Variants in CSMD2 observed in about 807,000 individuals in gnomAD.
CSMD2 encodes the protein CUB and sushi domain-containing protein 2.
A neutral mutation model predicts 398.5 loss-of-function variants in CSMD2; 130 were observed. The observed-to-expected ratio is 0.33, with a 90% CI of 0.28 to 0.38. CSMD2 has a LOEUF of 0.38. Ranked by LOEUF, CSMD2 falls within the 10% of genes least tolerant of loss-of-function variation. The pLI, the probability that CSMD2 is intolerant of heterozygous loss-of-function variation, is 1.00. For synonymous variants in CSMD2, 1,828 were observed against 1,908.5 expected, an observed-to-expected ratio of 0.96 and a Z score of 1.10; for missense variants, 3,829 against 4,764.9, an observed-to-expected ratio of 0.80 and a Z score of 5.78.
chr1:33,987,134 A>C (rs1646387040), intron 3 of CSMD2, among the ~76,000 whole-genome samples: 1 of 152,108 alleles, frequency 6.6e-6, no homozygotes, highest in Admixed American at 6.5e-5. Context: ...GACAGCCTTG[A>C]ATGGTAGACT....
intron 5 of CSMD2, among the ~76,000 whole-genome samples, chr1:33,875,245 A>G (rs1436442124): frequency 6.6e-6 from 1 of 152,224 alleles, no homozygotes; most frequent in Non-Finnish European, 1.5e-5. Context: ...AGAATGCTTC[A>G]GTGCCCAGGG....
chr1:33,646,839 G>A lies in CSMD2; in HGVS notation c.4587-4C>T, dbSNP rs370847958. 24 of 1,606,266 alleles carry A rather than the reference G, an allele frequency of 1.5e-5. No homozygotes were observed. The African/African-American group carries it at 2.3e-4, about 15-fold the overall frequency. ...ATAGCCAGGCTCCAGGTTAAAGCTG[G>A]GGAACAAAAACATCCCACCCCCACC... On this transcript the variant is annotated splice_region_variant and splice_polypyrimidine_tract_variant and intron_variant, in intron 28 of 70. Transcript: ENST00000373381.
chr1:33,560,506 T>C (rs1393522900), intron 53 of CSMD2, among the ~76,000 whole-genome samples: 5 of 152,240 alleles, frequency 3.3e-5, no homozygotes, highest in African/African-American at 1.2e-4. Context: ...AGCAAGTTCC[T>C]GCCTCAGGGC....
chr1:33,936,831 C>T (rs191430121), intron 3 of CSMD2, among the ~76,000 whole-genome samples: 17 of 152,164 alleles, frequency 1.1e-4, no homozygotes, highest in Non-Finnish European at 2.1e-4. Context: ...CTAGGATACC[C>T]CCATGGGGTG....
At chr1:33,578,430 T>C (rs1638449272) in intron 48 of CSMD2, among the ~76,000 whole-genome samples, 1 of 151,932 alleles carries the variant, frequency 6.6e-6, no homozygotes, top group African/African-American at 2.4e-5. Context: ...ATATAAAAAT[T>C]GGCCAGGCGT....
intron 2 of CSMD2, among the ~76,000 whole-genome samples, chr1:34,034,503 G>A (rs748981158): frequency 1.3e-5 from 2 of 152,154 alleles, no homozygotes; most frequent in Non-Finnish European, 2.9e-5. Context: ...ATCTGCTTTA[G>A]AGAAAATGAT....
At chr1:33,597,724 T>G (rs1441871428) in intron 44 of CSMD2, among the ~76,000 whole-genome samples, 3 of 152,222 alleles carry the variant, frequency 2.0e-5, no homozygotes, top group African/African-American at 7.2e-5. Flanking sequence ...ATGTGGATAT[T>G]TACAACCTCA....
At chr1:33,817,804 G>A (rs940819583) in intron 9 of CSMD2, among the ~76,000 whole-genome samples, 2 of 152,192 alleles carry the variant, frequency 1.3e-5, no homozygotes, top group African/African-American at 4.8e-5. Flanking sequence ...ACTGGCCCAA[G>A]GGCCCCAGCT....
intron 24 of CSMD2, among the ~76,000 whole-genome samples, 187 bp from the exon 25 acceptor site, chr1:33,693,243 A>G (rs549043974): frequency 6.6e-6 from 1 of 152,232 alleles, no homozygotes; most frequent in Non-Finnish European, 1.5e-5. Flanking sequence ...GAACCCCTAC[A>G]AATCAACAAT....
intron 2 of CSMD2, among the ~76,000 whole-genome samples, chr1:34,060,663 T>C (rs1436554784): frequency 6.6e-6 from 1 of 152,130 alleles, no homozygotes; most frequent in Admixed American, 6.5e-5. Context: ...TTTTTTTTTT[T>C]TTCTTCTCTC....
chr1:33,726,677 C>T lies in CSMD2; in HGVS notation c.2377G>A (p.Gly793Ser), dbSNP rs1482892311. The change falls in exon 16 of 71, where the codon GGT (glycine) becomes AGT (serine). Residue 793 changes from glycine (G) to serine (S), a missense_variant. Physicochemically the swap from Gly to Ser is moderately conservative, Grantham distance 56. Transcript: ENST00000373381. ...CCGCTGGGCGAAGTCAGGTGACCAC[C>T]ACAGGGAGCTGGGGGGACAGAAGGA... Reference protein sequence around the residue: ...SAVLRCEAPCGGHLTSPSGTI... With the variant: ...SAVLRCEAPCSGHLTSPSGTI... 2 of 1,610,974 alleles carry T rather than the reference C, an allele frequency of 1.2e-6. No homozygotes were observed. The highest frequency in any genetic ancestry group is 1.3e-5 in the African/African-American group (1 of 74,930).
At chr1:33,895,568 G>A (rs1009846325) in intron 5 of CSMD2, among the ~76,000 whole-genome samples, 3 of 152,174 alleles carry the variant, frequency 2.0e-5, no homozygotes, top group Admixed American at 1.3e-4. Context: ...CACCCCACGG[G>A]TGGTGGCTGG....
At chr1:34,092,701 G>C (rs901104661) in intron 1 of CSMD2, among the ~76,000 whole-genome samples, 1 of 151,874 alleles carries the variant, frequency 6.6e-6, no homozygotes, top group African/African-American at 2.4e-5. Flanking sequence ...CTTTTCCGAC[G>C]GGCTTAAAAA....
intron 3 of CSMD2, among the ~76,000 whole-genome samples, chr1:34,014,671 A>G (rs997907941): frequency 2.2e-4 from 33 of 152,240 alleles, no homozygotes; most frequent in Admixed American, 2.0e-4. Flanking sequence ...CTCCTCCACT[A>G]GACCATGATT....
At chr1:33,733,502 T>A (rs1009737785) in intron 15 of CSMD2, among the ~76,000 whole-genome samples, 1 of 152,204 alleles carries the variant, frequency 6.6e-6, no homozygotes. Context: ...TACCTCCTCA[T>A]GAAGAGTCAA....
At chr1:34,020,131 T>C (rs1391607028) in intron 3 of CSMD2, among the ~76,000 whole-genome samples, 1 of 152,086 alleles carries the variant, frequency 6.6e-6, no homozygotes, top group Non-Finnish European at 1.5e-5. Context: ...TTATATACAG[T>C]GTGGTCAGAA....
chr1:33,536,961 T>C (rs191600225), intron 62 of CSMD2, 61 bp downstream of exon 62: 193 of 1,527,424 alleles, frequency 1.3e-4, no homozygotes, highest in Admixed American at 2.7e-4. Context: ...GGTCCTCTTA[T>C]GTTGACAGTG....
chr1:34,165,674 C>T (rs1416498943), upstream of CSMD2: 55 of 1,425,458 alleles, frequency 3.9e-5, no homozygotes, highest in Non-Finnish European at 4.6e-5. Context: ...ACCTCTTCCA[C>T]GTTTGGAAAT....
intron 1 of CSMD2, 141 bp from the exon 2 acceptor site, chr1:34,089,334 G>A (rs1246491172): frequency 1.3e-6 from 1 of 763,482 alleles, no homozygotes; most frequent in Non-Finnish European, 2.2e-6. Context: ...TTGGCACCGA[G>A]GGAGGTACAA....
Sources: allele counts gnomAD v4.1 joint callset (sites outside exome capture counted in the v4.1 genomes callset), GRCh38; gene constraint gnomAD v4.1.1; transcripts MANE v1.5; gene names NCBI Gene and HGNC (gene_info 2026-07-23, HGNC 2026-07-21).